KCNIP4: variants seen among roughly 807,000 people sequenced by gnomAD.
KCNIP4 encodes the protein Kv channel-interacting protein 4.
In KCNIP4, 12 loss-of-function variants were observed where a neutral mutation model predicts 34.0. The observed-to-expected ratio is 0.35, with a 90% confidence interval of 0.23 to 0.57. The LOEUF (loss-of-function observed/expected upper bound fraction) is 0.57, where lower values mean the gene tolerates loss of function less well. Among genes scored for constraint, KCNIP4 ranks in the 20% least tolerant of loss-of-function variants. The probability of loss-of-function intolerance (pLI) is 0.83; values close to 1 mark genes in which losing one functional copy is unlikely to be tolerated. For missense variants in KCNIP4, 238 were observed against 311.7 expected, an observed-to-expected ratio of 0.76 and a Z score of 1.78; for synonymous variants, 124 against 102.2, an observed-to-expected ratio of 1.21 and a Z score of -1.29.
At chr4:21,146,188 C>T (rs930932214) in intron 1 of KCNIP4, among the ~76,000 whole-genome samples, 5 of 152,062 alleles carry the variant, frequency 3.3e-5, no homozygotes, top group African/African-American at 4.8e-5. Flanking sequence ...CACGAGGTCA[C>T]GAGATCGAGA....
At chr4:21,868,544 T>G (rs1006407058) in intron 1 of KCNIP4, among the ~76,000 whole-genome samples, 2 of 152,222 alleles carry the variant, frequency 1.3e-5, no homozygotes, top group Admixed American at 6.5e-5. Flanking sequence ...GAAGTAAGAA[T>G]AGTAGCAACC....
chr4:21,715,156 C>T (rs905040776), intron 1 of KCNIP4, among the ~76,000 whole-genome samples: 2 of 150,282 alleles, frequency 1.3e-5, no homozygotes, highest in African/African-American at 4.9e-5. Context: ...TCTGGGCTCA[C>T]TGCAAGCTCC....
chr4:21,056,656 G>A (rs184710540), intron 1 of KCNIP4, among the ~76,000 whole-genome samples: 13 of 152,148 alleles, frequency 8.5e-5, no homozygotes, highest in Admixed American at 3.3e-4. Flanking sequence ...GTAACTCACC[G>A]TAAGTGTACT....
intron 1 of KCNIP4, among the ~76,000 whole-genome samples, chr4:21,214,345 T>C (rs1367501291): frequency 6.6e-6 from 1 of 152,214 alleles, no homozygotes; most frequent in Non-Finnish European, 1.5e-5. Context: ...TCTGAGCTGG[T>C]ATACCTTTCT....
chr4:21,075,052 T>C (rs1024763932), intron 1 of KCNIP4, among the ~76,000 whole-genome samples: 3 of 152,208 alleles, frequency 2.0e-5, no homozygotes, highest in Non-Finnish European at 4.4e-5. Context: ...AGAGCTTTAC[T>C]TCCAACTATG....
At chr4:21,407,091 T>C (rs184228322) in intron 1 of KCNIP4, among the ~76,000 whole-genome samples, 96 of 152,268 alleles carry the variant, frequency 6.3e-4, no homozygotes, top group Admixed American at 1.4e-3. Flanking sequence ...CAATGATATA[T>C]GGAGTGACAA....
intron 1 of KCNIP4, among the ~76,000 whole-genome samples, chr4:21,578,700 G>T (rs762325420): frequency 6.6e-6 from 1 of 152,132 alleles, no homozygotes; most frequent in African/African-American, 2.4e-5. Context: ...TATAATGCTA[G>T]TATTTAATCA....
At chr4:21,114,394 C>T (rs1749511081) in intron 1 of KCNIP4, among the ~76,000 whole-genome samples, 1 of 151,818 alleles carries the variant, frequency 6.6e-6, no homozygotes. Context: ...TATCCAGGGG[C>T]CTAAATAAAA....
At chr4:21,478,199 A>G (rs974762734) in intron 1 of KCNIP4, among the ~76,000 whole-genome samples, 1 of 152,118 alleles carries the variant, frequency 6.6e-6, no homozygotes, top group African/African-American at 2.4e-5. Flanking sequence ...ATTTCAAATT[A>G]ACACTGAAAG....
intron 1 of KCNIP4, among the ~76,000 whole-genome samples, chr4:21,055,045 C>CA (rs1283510771): frequency 3.3e-5 from 5 of 151,852 alleles, no homozygotes; most frequent in Non-Finnish European, 7.4e-5. Flanking sequence ...CCAAAGTATA[C>CA]AAAAAACTCT....
At chr4:20,762,709 A>G (rs927810632) in intron 3 of KCNIP4, among the ~76,000 whole-genome samples, 2 of 152,206 alleles carry the variant, frequency 1.3e-5, no homozygotes, top group Non-Finnish European at 2.9e-5. Context: ...ATGTCCCTTA[A>G]TCAAAATGCT....
At chr4:20,802,278 TATATATATGCA>T (rs1434874786) in intron 3 of KCNIP4, among the ~76,000 whole-genome samples, 2 of 47,300 alleles carry the variant, frequency 4.2e-5, no homozygotes, top group East Asian at 1.4e-3. Context: ...ATATATGCTA[TATATATATGCA>T]ATATATATAT....
chr4:21,190,175 A>G (rs1185073421), intron 1 of KCNIP4, among the ~76,000 whole-genome samples: 2 of 152,182 alleles, frequency 1.3e-5, no homozygotes, highest in African/African-American at 2.4e-5. Flanking sequence ...TTTAGTTGGT[A>G]ATATTGTTGT....
intron 1 of KCNIP4, among the ~76,000 whole-genome samples, chr4:21,133,986 T>C (rs1338189108): frequency 6.6e-6 from 1 of 152,218 alleles, no homozygotes; most frequent in Admixed American, 6.5e-5. Flanking sequence ...GTCTTTCTTC[T>C]TTCCCCAGTT....
intron 1 of KCNIP4, among the ~76,000 whole-genome samples, chr4:21,764,636 C>G: frequency 6.6e-6 from 1 of 152,182 alleles, no homozygotes; most frequent in East Asian, 1.9e-4. Flanking sequence ...TGGCTTTGCT[C>G]TTTAATACTG....
chr4:21,270,608 T>A (rs1316217238), intron 1 of KCNIP4, among the ~76,000 whole-genome samples: 1 of 152,230 alleles, frequency 6.6e-6, no homozygotes, highest in Non-Finnish European at 1.5e-5. Flanking sequence ...TGCCACCTTT[T>A]TCTGGTTTCT....
intron 1 of KCNIP4, among the ~76,000 whole-genome samples, chr4:21,249,797 C>T (rs750506584): frequency 1.3e-5 from 2 of 151,998 alleles, no homozygotes; most frequent in Non-Finnish European, 2.9e-5. Context: ...AATGTTTTGG[C>T]GATGAATATG....
At chr4:21,611,374 T>A (rs1287505613) in intron 1 of KCNIP4, among the ~76,000 whole-genome samples, 1 of 152,080 alleles carries the variant, frequency 6.6e-6, no homozygotes, top group Admixed American at 6.6e-5. Flanking sequence ...CATCAGATCT[T>A]ATGAGAACTC....
At chr4:21,804,541 C>T (rs1578011683) in intron 1 of KCNIP4, among the ~76,000 whole-genome samples, 1 of 152,128 alleles carries the variant, frequency 6.6e-6, no homozygotes, top group Admixed American at 6.5e-5. Context: ...TTGATGAAAA[C>T]CTGAATGAAT....
Sources: gnomAD v4.1 joint callset for allele counts (sites outside exome capture counted in the v4.1 genomes callset) on GRCh38, gnomAD v4.1.1 for gene constraint, MANE v1.5 for transcripts, NCBI Gene and HGNC (gene_info 2026-07-23, HGNC 2026-07-21) for gene names.